The following SLC4A10 variants were observed in gnomAD, a reference collection of about 807,000 sequenced individuals.
The protein encoded by SLC4A10 is sodium-driven chloride bicarbonate exchanger.
A neutral mutation model predicts 137.7 loss-of-function variants in SLC4A10; 42 were observed. That is an observed-to-expected ratio of 0.30 (90% CI 0.24 to 0.39). The LOEUF is 0.39. Ranked by LOEUF, SLC4A10 falls within the 10% of genes least tolerant of loss-of-function variation. The pLI, the probability that SLC4A10 is intolerant of heterozygous loss-of-function variation, is 1.00. For synonymous variants in SLC4A10, 474 were observed against 464.1 expected (o/e 1.02, Z -0.27); for missense variants, 925 against 1,355.0 (o/e 0.68, Z 4.98).
At chr2:161,849,615 T>C (rs1559384308) in intron 4 of SLC4A10, among the ~76,000 whole-genome samples, 1 of 152,038 alleles carries the variant, frequency 6.6e-6, no homozygotes, top group Non-Finnish European at 1.5e-5. Context: ...CATGAGGGGA[T>C]GTTTAATTTT....
intron 1 of SLC4A10, among the ~76,000 whole-genome samples, chr2:161,644,196 C>G (rs559957661): frequency 6.6e-6 from 1 of 151,310 alleles, no homozygotes; most frequent in Non-Finnish European, 1.5e-5. Flanking sequence ...AGATTATGTT[C>G]CATAAAAAAC....
chr2:161,698,643 C>T lies in SLC4A10; in HGVS notation c.49-72330C>T, dbSNP rs188239657. 2.1e-3 allele frequency among the ~76,000 whole-genome samples: 316 copies of T among 152,256 alleles called. 1 individual carries two copies. Among genetic ancestry groups the T allele is most frequent in the Non-Finnish European group, 3.7e-3 (250 of 68,022 alleles). Reference sequence around the variant, plus strand: ...TGTGTATATTGAACCAGCCTTGCCTCCCAGGGATGAAGCCCACTTGATCAT... The same window carrying T: ...TGTGTATATTGAACCAGCCTTGCCTTCCAGGGATGAAGCCCACTTGATCAT... On this transcript the variant is annotated intron_variant, in intron 1 of 26. Coordinates refer to ENST00000446997, the MANE Select transcript of SLC4A10 (RefSeq NM_001178015.2).
At chr2:161,980,274 C>G (rs569609483) in intron 26 of SLC4A10, among the ~76,000 whole-genome samples, 76 of 152,264 alleles carry the variant, frequency 5.0e-4, no homozygotes, top group Admixed American at 2.9e-3. Flanking sequence ...CCCCCACCAC[C>G]TTTTTCTATC....
intron 4 of SLC4A10, among the ~76,000 whole-genome samples, chr2:161,843,675 T>C (rs998140232): frequency 6.6e-6 from 1 of 152,206 alleles, no homozygotes; most frequent in African/African-American, 2.4e-5. Flanking sequence ...TAATTTTTGT[T>C]AATTCATGAC....
chr2:161,773,798 C>G (rs2051975224), intron 2 of SLC4A10, among the ~76,000 whole-genome samples: 1 of 151,816 alleles, frequency 6.6e-6, no homozygotes, highest in African/African-American at 2.4e-5. Flanking sequence ...AATTTTCTCT[C>G]TCTAAATCTG....
At chr2:161,656,936 G>A (rs959233831) in intron 1 of SLC4A10, among the ~76,000 whole-genome samples, 4 of 152,046 alleles carry the variant, frequency 2.6e-5, no homozygotes, top group African/African-American at 7.2e-5. Context: ...TTCTGAACAT[G>A]AAGTAAAAAT....
intron 1 of SLC4A10, among the ~76,000 whole-genome samples, chr2:161,645,124 T>C (rs1482344853): frequency 6.6e-6 from 1 of 152,110 alleles, no homozygotes. Context: ...ACCCATAAGT[T>C]GTCCTTAAAA....
intron 15 of SLC4A10, among the ~76,000 whole-genome samples, chr2:161,906,492 G>A (rs1684391871): frequency 6.6e-6 from 1 of 152,126 alleles, no homozygotes; most frequent in Non-Finnish European, 1.5e-5. Context: ...TCTAGTTTTG[G>A]TGTATCAACA....
chr2:161,893,755 CA>C (rs1226523287), intron 10 of SLC4A10, among the ~76,000 whole-genome samples: 3 of 151,476 alleles, frequency 2.0e-5, no homozygotes, highest in Non-Finnish European at 4.4e-5. Flanking sequence ...AACAATGTTA[CA>C]ATAAAAATAA....
chr2:161,867,699 A>C (rs1035395467), intron 6 of SLC4A10, among the ~76,000 whole-genome samples: 1 of 152,000 alleles, frequency 6.6e-6, no homozygotes, highest in African/African-American at 2.4e-5. Flanking sequence ...AATTGTTTGC[A>C]TACTTCTCAT....
chr2:161,841,460 A>G (rs1216366581), intron 4 of SLC4A10, among the ~76,000 whole-genome samples: 2 of 152,196 alleles, frequency 1.3e-5, no homozygotes, highest in Non-Finnish European at 2.9e-5. Flanking sequence ...TCTTAAGCAT[A>G]TTTATTAGTG....
At chr2:161,877,117 T>C (rs1304289788) in intron 8 of SLC4A10, among the ~76,000 whole-genome samples, 1 of 152,146 alleles carries the variant, frequency 6.6e-6, no homozygotes, top group Admixed American at 6.6e-5. Context: ...ACTATGTACT[T>C]CTTGATTTAA....
chr2:161,757,275 TAAAG>T (rs2049761566), intron 1 of SLC4A10, among the ~76,000 whole-genome samples: 1 of 152,130 alleles, frequency 6.6e-6, no homozygotes, highest in South Asian at 2.1e-4. Context: ...TGACATTAAA[TAAAG>T]AATTTTGATT....
chr2:161,855,427 G>GA (rs2060046827), intron 5 of SLC4A10, among the ~76,000 whole-genome samples: 1 of 151,662 alleles, frequency 6.6e-6, no homozygotes, highest in Non-Finnish European at 1.5e-5. Context: ...AAAATTAAAG[G>GA]AAAAAACCTT....
chr2:161,681,201 T>C (rs559313868), intron 1 of SLC4A10, among the ~76,000 whole-genome samples: 54 of 152,196 alleles, frequency 3.5e-4, no homozygotes, highest in Non-Finnish European at 7.4e-4. Flanking sequence ...TCAATCTTCC[T>C]TTCCCTGCAG....
intron 15 of SLC4A10, among the ~76,000 whole-genome samples, chr2:161,928,668 A>G (rs977651370): frequency 6.7e-6 from 1 of 148,568 alleles, no homozygotes; most frequent in East Asian, 2.0e-4. Flanking sequence ...AAAAAAAAAA[A>G]GTAGGAGTTT....
intron 1 of SLC4A10, among the ~76,000 whole-genome samples, chr2:161,643,001 A>C (rs980728642): frequency 1.2e-4 from 18 of 152,106 alleles, no homozygotes; most frequent in Admixed American, 3.9e-4. Context: ...ATCTCATCCA[A>C]ATTCTCATTT....
intron 1 of SLC4A10, among the ~76,000 whole-genome samples, chr2:161,677,742 C>T (rs1353082106): frequency 6.6e-6 from 1 of 152,150 alleles, no homozygotes; most frequent in African/African-American, 2.4e-5. Flanking sequence ...ACTATGTTTA[C>T]TTTATATATG....
chr2:161,963,013 AAC>A (rs1398090959), intron 21 of SLC4A10, among the ~76,000 whole-genome samples: 17 of 152,298 alleles, frequency 1.1e-4, no homozygotes, highest in Admixed American at 1.1e-3. Context: ...CATGAAATAA[AAC>A]AGTGACTGAC....
Sources: gnomAD v4.1 joint callset for allele counts (sites outside exome capture counted in the v4.1 genomes callset) on GRCh38, gnomAD v4.1.1 for gene constraint, MANE v1.5 for transcripts, NCBI Gene and HGNC (gene_info 2026-07-23, HGNC 2026-07-21) for gene names.